RBBP4: variants seen among roughly 807,000 people sequenced by gnomAD.
RBBP4 encodes RB binding protein 4, chromatin remodeling factor, also known as histone-binding protein RBBP4.
Under a neutral mutation model 57.2 loss-of-function variants are expected in RBBP4, and 3 were observed. The observed-to-expected ratio is 0.05, with a 90% CI of 0.02 to 0.14. The LOEUF is 0.14. Among genes scored for constraint, RBBP4 ranks in the 10% least tolerant of loss-of-function variants. The pLI, the probability that RBBP4 is intolerant of heterozygous loss-of-function variation, is 1.00. For synonymous variants in RBBP4, 151 were observed against 171.5 expected (o/e 0.88, Z 0.93); for missense variants, 107 against 520.6 (o/e 0.21, Z 7.73).
At chr1:32,672,575 A>G in intron 9 of RBBP4, 49 bp downstream of exon 9, 3 of 1,596,512 alleles carry the variant, frequency 1.9e-6, no homozygotes, top group Non-Finnish European at 2.6e-6. Flanking sequence ...TCCTTTATTT[A>G]CACTTTGCAA....
In RBBP4 at chr1:32,657,944, C is replaced by G. The variant is rs574511250; in HGVS notation, c.310+372C>G. Reference sequence around the variant, plus strand: ...CTTCTCTCACTGCAACCTCCGCCTCCCGGGTTCAAGCGATTCTTCTGCCTC... The same window carrying G: ...CTTCTCTCACTGCAACCTCCGCCTCGCGGGTTCAAGCGATTCTTCTGCCTC... On this transcript the variant is annotated intron_variant, in intron 3 of 11. Coordinates refer to ENST00000373493, the MANE Select transcript of RBBP4 (RefSeq NM_005610.3). Among the ~76,000 whole-genome samples, 4 of 152,234 alleles carry G rather than the reference C, an allele frequency of 2.6e-5. No individual in the cohort carries two copies. The East Asian group carries it at 7.7e-4, about 29-fold the overall frequency.
chr1:32,676,627 A>T (rs1425633373), intron 11 of RBBP4, among the ~76,000 whole-genome samples: 1 of 33,758 alleles, frequency 3.0e-5, no homozygotes, highest in Non-Finnish European at 2.1e-4. Flanking sequence ...AAAAAAAAAA[A>T]AGAAAAAGAA....
At chr1:32,661,302 C>CT (rs4011923) in intron 3 of RBBP4, among the ~76,000 whole-genome samples, 5 of 137,442 alleles carry the variant, frequency 3.6e-5, no homozygotes, top group African/African-American at 1.5e-4. Context: ...TTTTTAGTTC[C>CT]TTTTTTTTTT....
rs1316358861 is a variant in RBBP4 at position 32,652,199 on chromosome 1, AAAGT to A, written c.164+142_164+145del. 16 of 997,624 alleles carry A rather than the reference AAAGT, an allele frequency of 1.6e-5. No homozygotes were observed. In the African/African-American group the frequency reaches 2.6e-4, roughly 16 times the overall value. 61.8% of individuals were successfully genotyped at this position (997,624 alleles called of 1,614,324 possible). Reference sequence around the variant, plus strand: ...CTTGGTGACATTTTTTCTAGGCCACAAAGTAAGGCAAAATAACAAAATGATTTTG... The same window carrying A: ...CTTGGTGACATTTTTTCTAGGCCACAAAGGCAAAATAACAAAATGATTTTG... On this transcript the variant is annotated intron_variant, in intron 2 of 11. Transcript: ENST00000373493.
intron 3 of RBBP4, chr1:32,662,235 C>G (rs759311307): frequency 1.2e-5 from 4 of 341,004 alleles, no homozygotes; most frequent in Non-Finnish European, 1.8e-5. Context: ...CAGTCTCTCT[C>G]TGTCGTCCAG....
Position 32,669,662 on chromosome 1 carries a change from G to T in RBBP4, c.966+99G>T, listed in dbSNP as rs113576220. On this transcript the variant is annotated intron_variant, in intron 8 of 11. Coordinates refer to ENST00000373493, the MANE Select transcript of RBBP4 (RefSeq NM_005610.3). The surrounding 1 kb of genome is among the most constrained non-coding windows in gnomAD (Gnocchi z 4.9). ...TCCCAGCACTTTGGGAGGCTGAAGC[G>T]GGCGGATCACAAGGTCAGGAGATCG... is the stretch of plus-strand genomic sequence containing the variant. The T allele has an allele frequency of 7.8e-3, 11,325 of 1,455,292 alleles. 57 individuals are homozygous for T. The highest frequency in any genetic ancestry group is 9.7e-3 in the Non-Finnish European group (10,694 of 1,101,812). 90.1% of individuals were successfully genotyped at this position (1,455,292 alleles called of 1,614,324 possible). A position where few individuals can be genotyped will look rare whatever the true frequency, so the allele number is the denominator to read the frequency against.
intron 3 of RBBP4, 126 bp downstream of exon 3, chr1:32,657,698 G>A: frequency 9.2e-7 from 1 of 1,091,172 alleles, no homozygotes; most frequent in Admixed American, 3.0e-5. Context: ...GTTTGCAATG[G>A]TAGGTATTTA....
chr1:32,676,254 G>A (rs1473827547), intron 11 of RBBP4, among the ~76,000 whole-genome samples: 1 of 152,152 alleles, frequency 6.6e-6, no homozygotes, highest in Non-Finnish European at 1.5e-5. Flanking sequence ...GCAGACTGAA[G>A]AATAGCATAA....
At position 32,684,563 on chromosome 1, in the gene RBBP4, C is replaced by A; in HGVS notation, c.*4858C>A. 1 of 861,494 alleles carries A rather than the reference C, an allele frequency of 1.2e-6. No homozygotes were observed. Among genetic ancestry groups the A allele is most frequent in the Non-Finnish European group, 1.7e-6 (1 of 583,340 alleles). The allele number at this position is 861,494 out of a possible 1,614,324, so 53.4% of individuals were successfully genotyped here. On this transcript the variant is annotated 3_prime_UTR_variant, in exon 12 of 12. Coordinates refer to ENST00000373493, the MANE Select transcript of RBBP4 (RefSeq NM_005610.3). ...AAGTTGTGTCTTGGAAAAAAAGTGA[C>A]AATGCTTTTGAAAATGATGACGAAA...
At chr1:32,665,951 A>G (rs12038023) in intron 3 of RBBP4, among the ~76,000 whole-genome samples, 5,866 of 152,270 alleles carry the variant, frequency 0.039, 230 homozygotes, top group East Asian at 0.11. Flanking sequence ...TGCTTTGCCA[A>G]GATTTACATA....
At position 32,684,073 on chromosome 1, in the gene RBBP4, T is replaced by C; in HGVS notation, c.*4368T>C. ...GGAGCATCAGCCTGTTCCAGGCTCT[T>C]GGGTAGTAGCATAGCCCTTTAAAAA... is the stretch of plus-strand genomic sequence containing the variant. On this transcript the variant is annotated 3_prime_UTR_variant, in exon 12 of 12. Transcript: ENST00000373493. The C allele has an allele frequency of 6.2e-7, 1 of 1,613,892 alleles. No homozygotes were observed. Among genetic ancestry groups the C allele is most frequent in the Non-Finnish European group, 8.5e-7 (1 of 1,180,026 alleles).
Position 32,672,019 on chromosome 1 carries a change from TGA to T in RBBP4, c.967-425_967-424del, listed in dbSNP as rs201808788. On this transcript the variant is annotated intron_variant, in intron 8 of 11. Transcript: ENST00000373493. ...TTTTGTTTTTCTTTTTGTTTGTTTT[TGA>T]GAGAGTCTGTCACCCAGGCTGGAGT... 8.9e-3 allele frequency among the ~76,000 whole-genome samples: 1,353 copies of T among 152,178 alleles called. 22 individuals carry two copies. The highest frequency in any genetic ancestry group is 0.03 in the African/African-American group (1,253 of 41,534).
At chr1:32,674,553 G>T (rs1012400184) in intron 11 of RBBP4, among the ~76,000 whole-genome samples, 1 of 150,472 alleles carries the variant, frequency 6.6e-6, no homozygotes, top group East Asian at 2.0e-4. Context: ...TTTTAAAGAA[G>T]TGCGTAACTT....
chr1:32,662,363 T>G (rs1474090670), intron 3 of RBBP4: 8 of 177,974 alleles, frequency 4.5e-5, no homozygotes, highest in Middle Eastern at 2.5e-3. Flanking sequence ...CCAGCTAATT[T>G]TTGTTGTTGT....
At chr1:32,664,415 T>A (rs1557855646) in intron 3 of RBBP4, among the ~76,000 whole-genome samples, 1 of 152,142 alleles carries the variant, frequency 6.6e-6, no homozygotes, top group Non-Finnish European at 1.5e-5. Flanking sequence ...TCCTTTGTTA[T>A]TGGTGCCTCT....
At chr1:32,671,615 G>A (rs1280740854) in intron 8 of RBBP4, among the ~76,000 whole-genome samples, 4 of 151,910 alleles carry the variant, frequency 2.6e-5, no homozygotes, top group African/African-American at 9.7e-5. Context: ...CTCCAGCTAC[G>A]CAGGAGGTTG....
rs1648782490 is a variant in RBBP4, at chr1:32,669,554, A to G, written c.957A>G (p.Glu319=). 6.3e-7 allele frequency: 1 copy of G among 1,597,856 alleles called. No individual in the cohort carries two copies. The highest frequency in any genetic ancestry group is 1.8e-5 in the Admixed American group (1 of 54,598). ...ATTCCTTTGAGTCACATAAGGATGAAATATTCCAGGTAAGAGAAACTAATG... is the reference window on the plus strand; with the variant it reads ...ATTCCTTTGAGTCACATAAGGATGAGATATTCCAGGTAAGAGAAACTAATG... ...KLHSFESHKD[E]IFQVQWSPHN... Residue 319 remains glutamate (E), a synonymous_variant, in exon 8 of 12, where the codon GAA becomes GAG. Coordinates refer to ENST00000373493, the MANE Select transcript of RBBP4 (RefSeq NM_005610.3). The surrounding 1 kb of genome is among the most constrained non-coding windows in gnomAD (Gnocchi z 4.9).
intron 8 of RBBP4, among the ~76,000 whole-genome samples, chr1:32,670,918 G>T (rs1409931049): frequency 6.6e-6 from 1 of 152,126 alleles, no homozygotes; most frequent in Non-Finnish European, 1.5e-5. Flanking sequence ...CTACTTTTCA[G>T]CCCACCTTGG....
chr1:32,679,158 G>C (rs536237479), intron 11 of RBBP4, among the ~76,000 whole-genome samples: 2 of 152,104 alleles, frequency 1.3e-5, no homozygotes, highest in Admixed American at 1.3e-4. Flanking sequence ...TTAGCCAGGC[G>C]TAGTGGCATG....
Sources: allele counts gnomAD v4.1 joint callset (sites outside exome capture counted in the v4.1 genomes callset), GRCh38; gene constraint gnomAD v4.1.1; non-coding constraint Gnocchi (gnomAD v3.1); transcripts MANE v1.5; gene names NCBI Gene and HGNC (gene_info 2026-07-23, HGNC 2026-07-21).